The following SKIL variants were observed in gnomAD, a reference collection of about 807,000 sequenced individuals.
SKIL encodes ski-like protein.
SKIL carries 20 observed loss-of-function variants against 69.6 expected under a neutral mutation model. The ratio of observed to expected loss-of-function variants is 0.29; its 90% CI spans 0.20 to 0.42. The LOEUF (loss-of-function observed/expected upper bound fraction) is 0.42. Among genes scored for constraint, SKIL ranks in the 10% least tolerant of loss-of-function variants. SKIL has a pLI of 1.00. For synonymous variants in SKIL, 310 were observed against 279.9 expected (o/e 1.11, Z -1.08); for missense variants, 745 against 783.1 (o/e 0.95, Z 0.58).
At position 170,360,498 on chromosome 3, in the gene SKIL, A is replaced by G. The variant is rs2108890213; in HGVS notation, c.167A>G (p.Asp56Gly). ...ACAGTTAAGAAGGAACACTTGGATG[A>G]CTATGGAGAAGCACCAGTGGAAACT... ...VPTVKKEHLD[D>G]YGEAPVETDG... The change falls in exon 2 of 7, where the codon GAC (aspartate) becomes GGC (glycine). Residue 56 changes from aspartate to glycine, a missense_variant. Asp to Gly is a moderately conservative substitution (Grantham distance 94, BLOSUM62 -1). Transcript: ENST00000259119. The G allele has an allele frequency of 1.9e-6, 3 of 1,614,184 alleles. No homozygotes were observed. Among genetic ancestry groups the G allele is most frequent in the Non-Finnish European group, 2.5e-6 (3 of 1,180,018 alleles).
At chr3:170,380,841 C>G (rs1297049783) in intron 2 of SKIL, among the ~76,000 whole-genome samples, 1 of 151,890 alleles carries the variant, frequency 6.6e-6, no homozygotes, top group Non-Finnish European at 1.5e-5. Flanking sequence ...ACTCTTGAGA[C>G]AGGGTCTCAC....
In SKIL at chr3:170,360,997, A is replaced by G. The variant is rs770421551; in HGVS notation, c.666A>G (p.Thr222=). Residue 222 remains threonine (T), a synonymous_variant, in exon 2 of 7, where the codon ACA becomes ACG. Coordinates refer to ENST00000259119, the MANE Select transcript of SKIL (RefSeq NM_005414.5). The stretch of plus-strand genomic sequence containing the variant: ...ATGCCCCATCCTGTGGGCTGATTAC[A>G]TTAACTGATGCACAAAGATTATGTA... The part of the protein sequence containing the change: ...PFNAPSCGLI[T]LTDAQRLCNA... The G allele has an allele frequency of 3.7e-6, 6 of 1,614,228 alleles. No individual in the cohort carries two copies. The Admixed American group carries it at 8.3e-5, about 22-fold the overall frequency.
intron 1 of SKIL, among the ~76,000 whole-genome samples, chr3:170,358,072 C>G (rs1403640107): frequency 6.6e-6 from 1 of 152,102 alleles, no homozygotes; most frequent in Non-Finnish European, 1.5e-5. Flanking sequence ...CCCGGACGCC[C>G]GTCACCGCCC....
At chr3:170,374,765 TATTAGGTAAA>T (rs1184928267) in intron 2 of SKIL, among the ~76,000 whole-genome samples, 4 of 152,242 alleles carry the variant, frequency 2.6e-5, no homozygotes, top group African/African-American at 9.6e-5. Flanking sequence ...TACCACAGCA[TATTAGGTAAA>T]ATTAGCTTGC....
intron 2 of SKIL, among the ~76,000 whole-genome samples, chr3:170,377,394 A>AG (rs1737084168): frequency 1.2e-5 from 1 of 85,336 alleles, no homozygotes. Flanking sequence ...CACTGTGCCC[A>AG]GGCCTTTTTT....
At chr3:170,388,779 A>G (rs1043588272) in intron 4 of SKIL, among the ~76,000 whole-genome samples, 1 of 152,024 alleles carries the variant, frequency 6.6e-6, no homozygotes, top group Non-Finnish European at 1.5e-5. Flanking sequence ...ATTACATCCA[A>G]TTTATCTATT....
In SKIL at chr3:170,395,553, AG is replaced by A. The variant is rs1295978764; in HGVS notation, c.*3138del. ...CAGAACAACCAGTTTATTTGCACAT[AG>A]GTAGCTTCTGTTTGAAGGAAGGTAA... is the stretch of plus-strand genomic sequence containing the variant. On this transcript the variant is annotated 3_prime_UTR_variant, in exon 7 of 7. Transcript: ENST00000259119. The A allele has an allele frequency of 1.3e-5, 2 of 152,100 alleles. No individual in the cohort carries two copies. The highest frequency in any genetic ancestry group is 4.8e-5 in the African/African-American group (2 of 41,438). 9.4% of individuals were successfully genotyped at this position (152,100 alleles called of 1,614,324 possible). A position where few individuals can be genotyped will look rare whatever the true frequency, so the allele number is the denominator to read the frequency against.
intron 4 of SKIL, among the ~76,000 whole-genome samples, chr3:170,388,450 T>A (rs1244657628): frequency 2.0e-5 from 3 of 152,194 alleles, no homozygotes; most frequent in Non-Finnish European, 2.9e-5. Context: ...ACTTTCTTGT[T>A]AGTGTTCTTT....
At chr3:170,384,246 T>G (rs950227078) in intron 3 of SKIL, among the ~76,000 whole-genome samples, 10 of 152,108 alleles carry the variant, frequency 6.6e-5, no homozygotes, top group Non-Finnish European at 1.2e-4. Flanking sequence ...GAAGATTGCT[T>G]GAACCCAGGA....
intron 4 of SKIL, among the ~76,000 whole-genome samples, chr3:170,385,743 AT>A (rs1737588578): frequency 1.3e-5 from 2 of 150,812 alleles, no homozygotes; most frequent in Admixed American, 6.6e-5. Flanking sequence ...TCCTCTATTT[AT>A]TTAAGTTTTT....
chr3:170,366,702 C>CAG (rs1215925249), intron 2 of SKIL, among the ~76,000 whole-genome samples: 57 of 151,016 alleles, frequency 3.8e-4, no homozygotes, highest in African/African-American at 1.3e-3. Context: ...CACAGACACA[C>CAG]ACACACACAC....
chr3:170,372,821 A>G (rs867027259), intron 2 of SKIL, among the ~76,000 whole-genome samples: 3 of 152,152 alleles, frequency 2.0e-5, no homozygotes, highest in Non-Finnish European at 2.9e-5. Context: ...AGTAATGTGC[A>G]TTTCATATGC....
rs1738094575 is a variant in SKIL, at chr3:170,394,469, A to G, written c.*2052A>G. 1 of 152,132 alleles carries G rather than the reference A, an allele frequency of 6.6e-6. No homozygotes were observed. Among genetic ancestry groups the G allele is most frequent in the Non-Finnish European group, 1.5e-5 (1 of 68,016 alleles). 9.4% of individuals were successfully genotyped at this position (152,132 alleles called of 1,614,324 possible). ...ACCTATAATTTCATTTATATTTCTA[A>G]TTCACTTGGAACCTTTCTGCTTTAT... is the stretch of plus-strand genomic sequence containing the variant. On this transcript the variant is annotated 3_prime_UTR_variant, in exon 7 of 7. Transcript: ENST00000259119.
chr3:170,386,672 A>G (rs563582950), intron 4 of SKIL, among the ~76,000 whole-genome samples: 2 of 151,470 alleles, frequency 1.3e-5, no homozygotes, highest in East Asian at 3.9e-4. Context: ...GTCTCACTGT[A>G]TTGCCCAGGC....
At chr3:170,390,591 A>G (rs952733890) in intron 5 of SKIL, 127 bp downstream of exon 5, 5 of 712,998 alleles carry the variant, frequency 7.0e-6, no homozygotes, top group Non-Finnish European at 1.2e-5. Flanking sequence ...GGTTCAAGCA[A>G]TTCTTCTGCC....
At chr3:170,362,521 A>C (rs1443176829) in intron 2 of SKIL, among the ~76,000 whole-genome samples, 1 of 106,552 alleles carries the variant, frequency 9.4e-6, no homozygotes. Flanking sequence ...AAAACAAACA[A>C]ACAACCTATC....
intron 4 of SKIL, among the ~76,000 whole-genome samples, chr3:170,387,383 C>T (rs1314570869): frequency 6.6e-6 from 1 of 152,078 alleles, no homozygotes; most frequent in East Asian, 1.9e-4. Context: ...TATTTTCTAT[C>T]TTTATGGATT....
rs774415746 is a variant in SKIL at position 170,360,387 on chromosome 3, A to G, written c.56A>G (p.Asn19Ser). The change falls in exon 2 of 7, where the codon AAT becomes AGT. Residue 19 changes from asparagine to serine, a missense_variant. Transcript: ENST00000259119. The part of the protein sequence containing the change: ...SLVQGSTKKL[N>S]GMGDDGSPPA... ...GTTCAGGGCTCAACTAAAAAACTGA[A>G]TGGGATGGGAGATGATGGCAGCCCC... 2 of 1,603,662 alleles carry G rather than the reference A, an allele frequency of 1.2e-6. No homozygotes were observed. Among genetic ancestry groups the G allele is most frequent in the South Asian group, 2.2e-5 (2 of 89,390 alleles).
rs370265350 is a variant in SKIL at position 170,381,250 on chromosome 3, G to A, written c.1105G>A (p.Ala369Thr). 2.6e-6 allele frequency: 4 copies of A among 1,548,882 alleles called. No homozygotes were observed. The highest frequency in any genetic ancestry group is 2.7e-6 in the Non-Finnish European group (3 of 1,120,688). Residue 369 changes from alanine (A) to threonine (T), a missense_variant, in exon 3 of 7, where the codon GCA becomes ACA. By Grantham distance (58) the Ala-to-Thr change is moderately conservative. Transcript: ENST00000259119. ...CTTCCATGTTTTTCTGCAGACAGAT[G>A]CACCATCAGGAATGGAATTACAGTC... Reference protein sequence around the residue: ...SGKRNQSKTDAPSGMELQSWY... With the variant: ...SGKRNQSKTDTPSGMELQSWY...
Sources: allele counts gnomAD v4.1 joint callset (sites outside exome capture counted in the v4.1 genomes callset), GRCh38; gene constraint gnomAD v4.1.1; transcripts MANE v1.5; gene names NCBI Gene and HGNC (gene_info 2026-07-23, HGNC 2026-07-21).